WDFY2: variants seen among roughly 807,000 people sequenced by gnomAD.
The protein encoded by WDFY2 is WD repeat and FYVE domain-containing protein 2.
Under a neutral mutation model 56.4 loss-of-function variants are expected in WDFY2, and 36 were observed. The ratio of observed to expected loss-of-function variants is 0.64; its 90% CI spans 0.49 to 0.84. WDFY2 has a LOEUF of 0.84. Ranked by LOEUF, WDFY2 falls within the 40% of genes least tolerant of loss-of-function variation. The pLI is 0.00. For missense variants in WDFY2, 444 were observed against 512.2 expected, an observed-to-expected ratio of 0.87 and a Z score of 1.29; for synonymous variants, 176 against 183.7, an observed-to-expected ratio of 0.96 and a Z score of 0.34.
chr13:51,733,597 G>A (rs866287705), intron 6 of WDFY2, among the ~76,000 whole-genome samples: 1 of 152,202 alleles, frequency 6.6e-6, no homozygotes, highest in Non-Finnish European at 1.5e-5. Context: ...GATTGACTGG[G>A]AACAGAATGG....
chr13:51,718,229 A>G (rs1593446416), intron 4 of WDFY2, among the ~76,000 whole-genome samples: 1 of 152,194 alleles, frequency 6.6e-6, no homozygotes, highest in South Asian at 2.1e-4. Flanking sequence ...AGCAGGGCCC[A>G]GTGAGATCTA....
chr13:51,593,671 T>C (rs1954092907), intron 1 of WDFY2, among the ~76,000 whole-genome samples: 2 of 152,174 alleles, frequency 1.3e-5, no homozygotes, highest in Non-Finnish European at 1.5e-5. Context: ...TGTTCGTTTA[T>C]TTCTAGTTAT....
intron 9 of WDFY2, 130 bp downstream of exon 9, chr13:51,755,589 GA>G (rs1258847999): frequency 5.1e-5 from 41 of 807,494 alleles, no homozygotes; most frequent in Non-Finnish European, 7.8e-5. Flanking sequence ...GTCACCTCGT[GA>G]TTGCACAGTA....
In WDFY2 at chr13:51,723,295, A is replaced by G. The variant is rs184063798; in HGVS notation, c.485+3947A>G. ...CTATTGTTACATCTAAAAATTAACA[A>G]TCACTCTTTGATCTCCTTGATATTG... On this transcript the variant is annotated intron_variant, in intron 5 of 11. Coordinates refer to ENST00000298125, the MANE Select transcript of WDFY2 (RefSeq NM_052950.4). 4.0e-4 allele frequency among the ~76,000 whole-genome samples: 61 copies of G among 152,366 alleles called. 2 individuals are homozygous for G. The East Asian group carries it at 0.011, about 26-fold the overall frequency.
intron 1 of WDFY2, among the ~76,000 whole-genome samples, chr13:51,648,603 TAAGG>T: frequency 6.6e-6 from 1 of 152,008 alleles, no homozygotes; most frequent in Non-Finnish European, 1.5e-5. Context: ...GTTTTAACCT[TAAGG>T]AAGCAATTTT....
chr13:51,585,380 G>A (rs1001435071), intron 1 of WDFY2, among the ~76,000 whole-genome samples: 1 of 152,230 alleles, frequency 6.6e-6, no homozygotes, highest in Non-Finnish European at 1.5e-5. Context: ...GCTTCTGCGT[G>A]GTGCCTTCTT....
chr13:51,584,631 T>C lies in WDFY2; in HGVS notation c.-57T>C. On this transcript the variant is annotated 5_prime_UTR_variant, in exon 1 of 12. Transcript: ENST00000298125. The stretch of plus-strand genomic sequence containing the variant: ...CTGTGTCCGTGCTCCAGCAGTCTCC[T>C]CAGCCCGGCCCCGCGGCGCGGTTGG... 6.4e-7 allele frequency: 1 copy of C among 1,565,382 alleles called. No homozygotes were observed. Among genetic ancestry groups the C allele is most frequent in the Non-Finnish European group, 8.6e-7 (1 of 1,160,092 alleles).
chr13:51,676,046 G>A (rs1955881760), intron 3 of WDFY2, among the ~76,000 whole-genome samples: 3 of 152,150 alleles, frequency 2.0e-5, no homozygotes, highest in Non-Finnish European at 4.4e-5. Flanking sequence ...CTTCCCCACA[G>A]GGTGGAGGAT....
At chr13:51,642,310 C>T (rs192654167) in intron 1 of WDFY2, among the ~76,000 whole-genome samples, 59 of 152,076 alleles carry the variant, frequency 3.9e-4, no homozygotes, top group African/African-American at 1.2e-3. Context: ...TTTTTTGAGA[C>T]AGAGTCTTGC....
chr13:51,713,999 A>T (rs1479489342), intron 4 of WDFY2, among the ~76,000 whole-genome samples: 1 of 152,034 alleles, frequency 6.6e-6, no homozygotes, highest in African/African-American at 2.4e-5. Context: ...AAAGAGTTTC[A>T]GTTTGGGAAG....
chr13:51,659,630 T>C (rs1255257813), intron 1 of WDFY2, among the ~76,000 whole-genome samples: 1 of 152,214 alleles, frequency 6.6e-6, no homozygotes, highest in Admixed American at 6.5e-5. Flanking sequence ...TAGTTGAGTC[T>C]TTGGTGTCTG....
At chr13:51,599,913 C>CA (rs1466368152) in intron 1 of WDFY2, among the ~76,000 whole-genome samples, 1 of 151,260 alleles carries the variant, frequency 6.6e-6, no homozygotes, top group Admixed American at 6.6e-5. Context: ...AAAAACAAAA[C>CA]AAAAAAACCA....
intron 4 of WDFY2, among the ~76,000 whole-genome samples, chr13:51,707,676 A>G (rs952842392): frequency 1.3e-5 from 2 of 152,232 alleles, no homozygotes; most frequent in African/African-American, 4.8e-5. Flanking sequence ...ACTCAAAAGA[A>G]AGAACAGTAT....
intron 6 of WDFY2, among the ~76,000 whole-genome samples, chr13:51,728,462 C>T (rs967369201): frequency 6.6e-6 from 1 of 152,076 alleles, no homozygotes; most frequent in Non-Finnish European, 1.5e-5. Flanking sequence ...TAGAACTTAT[C>T]GACCCTAGAA....
intron 7 of WDFY2, among the ~76,000 whole-genome samples, chr13:51,745,739 A>G (rs970070407): frequency 5.1e-5 from 2 of 39,140 alleles, no homozygotes; most frequent in Non-Finnish European, 1.0e-4. Flanking sequence ...TCCTTCATTT[A>G]AAAAAAAAAA....
intron 7 of WDFY2, among the ~76,000 whole-genome samples, chr13:51,746,490 G>C (rs1197927251): frequency 2.0e-5 from 3 of 152,198 alleles, no homozygotes; most frequent in Non-Finnish European, 4.4e-5. Flanking sequence ...TCTTAAAGTG[G>C]CTAGTCATAT....
At chr13:51,626,687 A>C (rs1007496261) in intron 1 of WDFY2, among the ~76,000 whole-genome samples, 2 of 152,230 alleles carry the variant, frequency 1.3e-5, no homozygotes, top group African/African-American at 4.8e-5. Context: ...GTGTTTATAA[A>C]TTCCTCTCTT....
intron 1 of WDFY2, chr13:51,588,730 C>G (rs564953591): frequency 1.3e-5 from 2 of 152,146 alleles, no homozygotes; most frequent in Non-Finnish European, 1.5e-5. Flanking sequence ...GGGTGGACAA[C>G]GGAGCCAATT....
Position 51,719,057 on chromosome 13 carries a change from G to A in WDFY2, c.335-141G>A, listed in dbSNP as rs1392139807. The A allele has an allele frequency of 2.5e-6, 3 of 1,190,712 alleles. No homozygotes were observed. In the African/African-American group the frequency reaches 4.5e-5, roughly 18 times the overall value. 73.8% of individuals were successfully genotyped at this position (1,190,712 alleles called of 1,614,324 possible). ...ACCCCCAACCCCCACGAGAACCACT[G>A]TTCTACCTTGTCCTTAAAATGGTTC... is the stretch of plus-strand genomic sequence containing the variant. On this transcript the variant is annotated intron_variant, in intron 4 of 11. Coordinates refer to ENST00000298125, the MANE Select transcript of WDFY2 (RefSeq NM_052950.4).
Sources: allele counts gnomAD v4.1 joint callset (sites outside exome capture counted in the v4.1 genomes callset), GRCh38; gene constraint gnomAD v4.1.1; transcripts MANE v1.5; gene names NCBI Gene and HGNC (gene_info 2026-07-23, HGNC 2026-07-21).